Variants in FAT3 observed in about 807,000 individuals in gnomAD.
The protein encoded by FAT3 is FAT atypical cadherin 3.
In FAT3, 95 loss-of-function variants were observed where a neutral mutation model predicts 310.2. That is an observed-to-expected ratio of 0.31 (90% CI 0.26 to 0.36). The LOEUF (loss-of-function observed/expected upper bound fraction) is 0.36, where lower values mean the gene tolerates loss of function less well. Among genes scored for constraint, FAT3 ranks in the 10% least tolerant of loss-of-function variants. The pLI, the probability that FAT3 is intolerant of heterozygous loss-of-function variation, is 1.00. For synonymous variants in FAT3, 2,314 were observed against 2,192.9 expected (o/e 1.06, Z -1.54); for missense variants, 5,408 against 5,715.6 (o/e 0.95, Z 1.74).
At chr11:92,294,325 A>G (rs1011474447) in intron 1 of FAT3, among the ~76,000 whole-genome samples, 1 of 152,106 alleles carries the variant, frequency 6.6e-6, no homozygotes, top group Non-Finnish European at 1.5e-5. Flanking sequence ...ATCTCCAAAT[A>G]TAGCCACGCT....
chr11:92,353,804 G>C lies in FAT3; in HGVS notation c.1692G>C (p.Val564=). The C allele has an allele frequency of 6.2e-7, 1 of 1,613,510 alleles. No individual in the cohort carries two copies. The highest frequency in any genetic ancestry group is 1.1e-5 in the South Asian group (1 of 91,054). Reference sequence around the variant, plus strand: ...ACCGCCATGAAAGTGAGGTCAATGTGACTATTCGAATAGGAAATGTCAACG... The same window carrying C: ...ACCGCCATGAAAGTGAGGTCAATGTCACTATTCGAATAGGAAATGTCAACG... The part of the protein sequence containing the change: ...SPYRHESEVN[V]TIRIGNVNDN... The change falls in exon 2 of 28, where the codon GTG becomes GTC. Residue 564 remains valine (V), a synonymous_variant. Coordinates refer to ENST00000525166, the MANE Select transcript of FAT3 (RefSeq NM_001367949.2).
intron 3 of FAT3, among the ~76,000 whole-genome samples, chr11:92,566,442 G>A (rs1294121567): frequency 4.6e-5 from 7 of 151,916 alleles, no homozygotes; most frequent in Non-Finnish European, 5.9e-5. Context: ...AATCAATATC[G>A]TGAAAATGGC....
chr11:92,519,505 A>T (rs951806250), intron 2 of FAT3, among the ~76,000 whole-genome samples: 4 of 152,048 alleles, frequency 2.6e-5, no homozygotes, highest in Admixed American at 6.6e-5. Flanking sequence ...CCAAAACATG[A>T]CCTATAAAAG....
intron 3 of FAT3, among the ~76,000 whole-genome samples, chr11:92,635,875 A>G (rs1210507884): frequency 1.3e-5 from 2 of 152,236 alleles, no homozygotes; most frequent in Admixed American, 6.5e-5. Flanking sequence ...TGAAAACTAT[A>G]TTGGGTCATT....
At chr11:92,608,199 T>C (rs1189064767) in intron 3 of FAT3, among the ~76,000 whole-genome samples, 1 of 152,190 alleles carries the variant, frequency 6.6e-6, no homozygotes, top group Non-Finnish European at 1.5e-5. Context: ...TGAACAAGTA[T>C]CAATTCTCTA....
At chr11:92,627,698 C>T (rs1026670304) in intron 3 of FAT3, among the ~76,000 whole-genome samples, 1 of 152,166 alleles carries the variant, frequency 6.6e-6, no homozygotes, top group African/African-American at 2.4e-5. Context: ...TCTCTTTAGA[C>T]GTTCCTTAGC....
chr11:92,665,255 C>T (rs1015199355), intron 3 of FAT3, among the ~76,000 whole-genome samples: 1 of 152,174 alleles, frequency 6.6e-6, no homozygotes, highest in South Asian at 2.1e-4. Flanking sequence ...GACCTCAGTT[C>T]GTCTCTGCTG....
intron 1 of FAT3, among the ~76,000 whole-genome samples, chr11:92,312,246 T>C (rs895150417): frequency 6.6e-6 from 1 of 152,160 alleles, no homozygotes; most frequent in Non-Finnish European, 1.5e-5. Flanking sequence ...CATTAGTGCT[T>C]GGTATATGGG....
intron 3 of FAT3, among the ~76,000 whole-genome samples, chr11:92,534,741 C>T (rs983093029): frequency 1.3e-5 from 2 of 152,140 alleles, no homozygotes; most frequent in East Asian, 1.9e-4. Flanking sequence ...GTAACATTTT[C>T]GTCACCGAAG....
intron 3 of FAT3, among the ~76,000 whole-genome samples, chr11:92,614,955 G>C (rs552360604): frequency 6.6e-6 from 1 of 152,250 alleles, no homozygotes; most frequent in South Asian, 2.1e-4. Flanking sequence ...TATATGTTAT[G>C]TCTGTACAAT....
Position 92,495,154 on chromosome 11 carries a change from A to G in FAT3, c.3293-29480A>G, listed in dbSNP as rs79160396. On this transcript the variant is annotated intron_variant, in intron 2 of 27. Coordinates refer to ENST00000525166, the MANE Select transcript of FAT3 (RefSeq NM_001367949.2). The stretch of plus-strand genomic sequence containing the variant: ...TTATTGTATTTGCCTAGCAAATTAT[A>G]CATTTCAAAGAGGTTTTGTAAACTT... Among the ~76,000 whole-genome samples the G allele has an allele frequency of 6.1e-3, 928 of 152,180 alleles. 22 individuals are homozygous for G. The highest frequency in any genetic ancestry group is 0.05 in the East Asian group (257 of 5,150).
chr11:92,834,284 G>C (rs1948341038), intron 14 of FAT3, among the ~76,000 whole-genome samples: 1 of 152,192 alleles, frequency 6.6e-6, no homozygotes. Context: ...TGGCTGCTGG[G>C]CTGTTTGATT....
rs370637047 is a variant in FAT3, at chr11:92,353,385, C to T, written c.1273C>T (p.Arg425Trp). 88 of 1,613,180 alleles carry T rather than the reference C, an allele frequency of 5.5e-5. No individual in the cohort carries two copies. The highest frequency in any genetic ancestry group is 3.0e-4 in the South Asian group (27 of 90,962). Residue 425 changes from arginine (R) to tryptophan (W), a missense_variant, in exon 2 of 28, where the codon CGG becomes TGG. Physicochemically the swap from Arg to Trp is moderately radical, Grantham distance 101 (BLOSUM62 -3). This residue lies in a region of FAT3 where 4,588 missense variants were observed against 4,809.8 expected (regional missense o/e 0.95). Transcript: ENST00000525166. Reference sequence around the variant, plus strand: ...TGCAGTGTACTTTAAAATTAATCCTCGGTCGGGTCTGATTGTTACAGCACG... The same window carrying T: ...TGCAGTGTACTTTAAAATTAATCCTTGGTCGGGTCTGATTGTTACAGCACG... ...EDAVYFKINPRSGLIVTARPL... is the reference protein window; with the variant it reads ...EDAVYFKINPWSGLIVTARPL...
chr11:92,620,590 T>C (rs1406612856), intron 3 of FAT3, among the ~76,000 whole-genome samples: 1 of 152,176 alleles, frequency 6.6e-6, no homozygotes, highest in Non-Finnish European at 1.5e-5. Flanking sequence ...CTAAGCTAAT[T>C]AGGGAAACTT....
intron 1 of FAT3, among the ~76,000 whole-genome samples, chr11:92,280,183 G>A (rs917255226): frequency 6.6e-6 from 1 of 152,130 alleles, no homozygotes; most frequent in Non-Finnish European, 1.5e-5. Flanking sequence ...AAGAACGATC[G>A]AAGACATGAG....
chr11:92,276,545 C>T (rs1439204805), intron 1 of FAT3, among the ~76,000 whole-genome samples: 23 of 152,084 alleles, frequency 1.5e-4, no homozygotes, highest in Admixed American at 1.5e-3. Flanking sequence ...TGTTAGCATT[C>T]GTGACACTAG....
At chr11:92,554,615 T>C (rs1954953066) in intron 3 of FAT3, among the ~76,000 whole-genome samples, 1 of 151,978 alleles carries the variant, frequency 6.6e-6, no homozygotes, top group Admixed American at 6.6e-5. Context: ...GTAGCAGTTA[T>C]AGCCTAACTC....
intron 15 of FAT3, among the ~76,000 whole-genome samples, chr11:92,835,338 G>A (rs1948378653): frequency 6.6e-6 from 1 of 152,010 alleles, no homozygotes; most frequent in South Asian, 2.1e-4. Flanking sequence ...TATCTTTTTT[G>A]AGAAAATAAA....
chr11:92,477,727 G>T (rs917039699), intron 2 of FAT3, among the ~76,000 whole-genome samples: 1 of 152,196 alleles, frequency 6.6e-6, no homozygotes, highest in African/African-American at 2.4e-5. Context: ...CCCTAGAGCA[G>T]GTGCCGAGTA....
Sources: allele counts gnomAD v4.1 joint callset (sites outside exome capture counted in the v4.1 genomes callset), GRCh38; gene constraint gnomAD v4.1.1; regional missense constraint gnomAD v4.1.1; transcripts MANE v1.5; gene names NCBI Gene and HGNC (gene_info 2026-07-23, HGNC 2026-07-21).